DMD: variants seen among roughly 807,000 people sequenced by gnomAD.
DMD encodes the protein mutant dystrophin.
Under a neutral mutation model 330.1 loss-of-function variants are expected in DMD, and 63 were observed. The ratio of observed to expected loss-of-function variants is 0.19; its 90% CI spans 0.16 to 0.24. The LOEUF (loss-of-function observed/expected upper bound fraction) is 0.24. Ranked by LOEUF, DMD falls within the 10% of genes least tolerant of loss-of-function variation. DMD has a pLI of 1.00. For synonymous variants in DMD, 1,223 were observed against 959.8 expected (o/e 1.27, Z -5.07); for missense variants, 3,344 against 2,684.1 (o/e 1.25, Z -5.43).
intron 70 of DMD, 153 bp downstream of exon 70, chrX:31,178,516 G>C (rs2040798993): frequency 2.0e-6 from 2 of 1,013,343 alleles, no homozygotes; most frequent in Non-Finnish European, 2.5e-6. Context: ...GTGGCAACTG[G>C]ACATCAGCTT....
intron 42 of DMD, among the ~76,000 whole-genome samples, chrX:32,307,670 T>C (rs2097545700): frequency 1.8e-5 from 2 of 111,774 alleles, no homozygotes; most frequent in African/African-American, 6.5e-5. Flanking sequence ...GGATAAGCTT[T>C]CAAATATTTA....
At chrX:31,757,947 C>A (rs1177504573) in intron 51 of DMD, among the ~76,000 whole-genome samples, 1 of 110,411 alleles carries the variant, frequency 9.1e-6, no homozygotes, top group African/African-American at 3.3e-5. Context: ...AAGGGTCATT[C>A]CAGCTTAAGA....
intron 47 of DMD, among the ~76,000 whole-genome samples, chrX:31,912,598 T>G (rs770486945): frequency 8.9e-6 from 1 of 112,079 alleles, no homozygotes; most frequent in Non-Finnish European, 1.9e-5. Flanking sequence ...AATAAAGATG[T>G]GCTTGAGCCT....
At chrX:31,972,761 T>C (rs965838710) in intron 44 of DMD, among the ~76,000 whole-genome samples, 1 of 111,543 alleles carries the variant, frequency 9.0e-6, no homozygotes, top group Admixed American at 9.5e-5. Flanking sequence ...ATTAACCGAG[T>C]TTACTGATTG....
chrX:32,376,906 A>G (rs779712840), intron 34 of DMD, among the ~76,000 whole-genome samples: 10 of 111,554 alleles, frequency 9.0e-5, no homozygotes, highest in Non-Finnish European at 1.9e-4. Flanking sequence ...AACTTTAAAT[A>G]TGCTTATACT....
rs115696461 is a variant in DMD at position 32,593,299 on chromosome X, G to A, written c.1602+2458C>T. 4.6e-3 allele frequency among the ~76,000 whole-genome samples: 523 copies of A among 112,750 alleles called. 3 individuals carry two copies. Among genetic ancestry groups the A allele is most frequent in the African/African-American group, 0.016 (494 of 30,998 alleles). The stretch of plus-strand genomic sequence containing the variant: ...AAACTTTCCTCAGGAATCATCTGTT[G>A]CGTTCAAAGTTCAGTCTAAGTCAGA... On this transcript the variant is annotated intron_variant, in intron 13 of 78. Coordinates refer to ENST00000357033, the MANE Select transcript of DMD (RefSeq NM_004006.3).
At chrX:32,220,133 C>A (rs1417136162) in intron 43 of DMD, among the ~76,000 whole-genome samples, 1 of 111,211 alleles carries the variant, frequency 9.0e-6, no homozygotes, top group South Asian at 3.8e-4. Flanking sequence ...GCAGGATGGA[C>A]TTTCTGCCCG....
chrX:31,898,568 G>A (rs183944102), intron 47 of DMD, among the ~76,000 whole-genome samples: 8 of 111,915 alleles, frequency 7.1e-5, no homozygotes, highest in African/African-American at 2.6e-4. Flanking sequence ...CTAGCCATAC[G>A]TAGAAAGCTG....
intron 2 of DMD, among the ~76,000 whole-genome samples, chrX:32,894,311 T>C (rs954167552): frequency 2.7e-5 from 3 of 111,011 alleles, no homozygotes; most frequent in South Asian, 3.8e-4. Context: ...AAACGAGGCA[T>C]TGGGTTTTAT....
At chrX:31,512,090 G>A (rs1343956966) in intron 55 of DMD, among the ~76,000 whole-genome samples, 1 of 109,932 alleles carries the variant, frequency 9.1e-6, no homozygotes, top group Non-Finnish European at 1.9e-5. Context: ...GCCAGTGATG[G>A]TGAGCATTTT....
chrX:31,187,263 C>A (rs1390475324), intron 67 of DMD, among the ~76,000 whole-genome samples: 1 of 112,325 alleles, frequency 8.9e-6, no homozygotes, highest in Non-Finnish European at 1.9e-5. Flanking sequence ...ATCTGACCAG[C>A]AACCCAGAAG....
At chrX:32,460,431 C>G (rs2098379545) in intron 25 of DMD, among the ~76,000 whole-genome samples, 1 of 109,633 alleles carries the variant, frequency 9.1e-6, no homozygotes, top group African/African-American at 3.3e-5. Flanking sequence ...ATTTATTCTT[C>G]TTCTAATAGG....
chrX:32,677,910 T>C (rs1412943903), intron 9 of DMD, among the ~76,000 whole-genome samples: 1 of 111,956 alleles, frequency 8.9e-6, no homozygotes, highest in Admixed American at 9.6e-5. Flanking sequence ...TACAATGGAA[T>C]TTTATTCAGT....
chrX:31,999,335 GA>G (rs1379173477), intron 44 of DMD, among the ~76,000 whole-genome samples: 4 of 111,718 alleles, frequency 3.6e-5, no homozygotes, highest in African/African-American at 1.3e-4. Flanking sequence ...TATCCTGACT[GA>G]AATTGATAGC....
rs949836768 is a variant in DMD, at chrX:32,345,972, G to C, written c.5557C>G (p.Leu1853Val). 1.7e-6 allele frequency: 2 copies of C among 1,206,170 alleles called. No individual in the cohort carries two copies. The highest frequency in any genetic ancestry group is 4.4e-5 in the Admixed American group (2 of 45,341). ...KREEIKIKQQ[L>V]LQTKHNALKD... ...AGAGCATTATGTTTTGTCTGTAACA[G>C]CTGCTGTTTTATCTTTATTTCCTCT... The change falls in exon 39 of 79, where the codon CTG becomes GTG. Residue 1853 changes from leucine to valine, a missense_variant. Coordinates refer to ENST00000357033, the MANE Select transcript of DMD (RefSeq NM_004006.3).
chrX:32,862,945 G>C (rs1463997438), intron 2 of DMD, among the ~76,000 whole-genome samples: 1 of 110,169 alleles, frequency 9.1e-6, no homozygotes, highest in African/African-American at 3.3e-5. Flanking sequence ...CACCTTGTTA[G>C]CCAGGCTGGT....
chrX:32,817,642 G>T, intron 5 of DMD, among the ~76,000 whole-genome samples: 1 of 111,952 alleles, frequency 8.9e-6, no homozygotes, highest in Non-Finnish European at 1.9e-5. Flanking sequence ...TTCCTTCTGG[G>T]AAGGTTAAGG....
intron 60 of DMD, 85 bp from the exon 61 acceptor site, chrX:31,348,719 C>T: frequency 1.5e-5 from 12 of 824,102 alleles, no homozygotes; most frequent in Non-Finnish European, 2.1e-5. Flanking sequence ...TGATAAGATA[C>T]TTTGAGTCTC....
At chrX:31,761,701 C>G (rs764684837) in intron 51 of DMD, among the ~76,000 whole-genome samples, 2 of 112,024 alleles carry the variant, frequency 1.8e-5, no homozygotes, top group Non-Finnish European at 3.8e-5. Context: ...TTCTCTTTCT[C>G]CAACATAAAA....
Sources: gnomAD v4.1 joint callset for allele counts (sites outside exome capture counted in the v4.1 genomes callset) on GRCh38, gnomAD v4.1.1 for gene constraint, MANE v1.5 for transcripts, NCBI Gene and HGNC (gene_info 2026-07-23, HGNC 2026-07-21) for gene names.